EPB41L4A: variants seen among roughly 807,000 people sequenced by gnomAD.
EPB41L4A encodes erythrocyte membrane protein band 4.1 like 4A, also known as band 4.1-like protein 4A.
In EPB41L4A, 100 loss-of-function variants were observed where a neutral mutation model predicts 108.6. The ratio of observed to expected loss-of-function variants is 0.92; its 90% CI spans 0.78 to 1.09. EPB41L4A has a LOEUF of 1.09. Ranked by LOEUF, EPB41L4A falls within the 50% of genes least tolerant of loss-of-function variation. The pLI is 0.00. For missense variants in EPB41L4A, 1,030 were observed against 842.7 expected, an observed-to-expected ratio of 1.22 and a Z score of -2.75; for synonymous variants, 319 against 289.0, an observed-to-expected ratio of 1.10 and a Z score of -1.05.
chr5:112,395,785 CTT>C (rs1002291321), intron 1 of EPB41L4A, among the ~76,000 whole-genome samples: 4 of 152,160 alleles, frequency 2.6e-5, no homozygotes, highest in African/African-American at 9.7e-5. Context: ...ACTATGAAGA[CTT>C]ATGCACACTT....
intron 17 of EPB41L4A, among the ~76,000 whole-genome samples, chr5:112,191,566 T>C (rs755740115): frequency 6.6e-5 from 10 of 152,022 alleles, no homozygotes; most frequent in Non-Finnish European, 1.3e-4. Flanking sequence ...TGGTTATCCA[T>C]GGAAACAGTA....
At chr5:112,239,594 T>G (rs1488010651) in intron 11 of EPB41L4A, 66 bp downstream of exon 11, 5 of 988,768 alleles carry the variant, frequency 5.1e-6, no homozygotes, top group African/African-American at 1.7e-5. Flanking sequence ...TCACTGAGCA[T>G]GTATGACAGC....
rs959955034 is a variant in EPB41L4A at position 112,164,661 on chromosome 5, G to T, written c.*329C>A. On this transcript the variant is annotated 3_prime_UTR_variant, in exon 23 of 23. Transcript: ENST00000261486. ...CCAGCCTCCAACATGGCAAAGCCCTGTCTCTACTAAAAATACAAAAAGAAT... is the reference window on the plus strand; with the variant it reads ...CCAGCCTCCAACATGGCAAAGCCCTTTCTCTACTAAAAATACAAAAAGAAT... 1.2e-5 allele frequency: 2 copies of T among 164,116 alleles called. No homozygotes were observed. Among genetic ancestry groups the T allele is most frequent in the African/African-American group, 4.8e-5 (2 of 41,628 alleles). 10.2% of individuals were successfully genotyped at this position (164,116 alleles called of 1,614,324 possible). A position where few individuals can be genotyped will look rare whatever the true frequency, so the allele number is the denominator to read the frequency against.
At chr5:112,150,831 T>C (rs1341964734) in intron 12 of EPB41L4A, among the ~76,000 whole-genome samples, 1 of 152,182 alleles carries the variant, frequency 6.6e-6, no homozygotes, top group Non-Finnish European at 1.5e-5. Context: ...TAATTTAAAA[T>C]CATGTACCCA....
chr5:112,319,957 A>G (rs539978015), intron 1 of EPB41L4A, among the ~76,000 whole-genome samples: 34 of 152,296 alleles, frequency 2.2e-4, no homozygotes, highest in African/African-American at 7.0e-4. Flanking sequence ...TCAATAAGAG[A>G]AAAAAATCAT....
At chr5:112,171,685 G>A (rs1420794804) in intron 18 of EPB41L4A, among the ~76,000 whole-genome samples, 1 of 152,212 alleles carries the variant, frequency 6.6e-6, no homozygotes, top group Non-Finnish European at 1.5e-5. Context: ...CAGCATTCAA[G>A]TGTTTGTACT....
At chr5:112,227,206 T>A (rs1267693749) in intron 12 of EPB41L4A, among the ~76,000 whole-genome samples, 1 of 152,068 alleles carries the variant, frequency 6.6e-6, no homozygotes, top group Non-Finnish European at 1.5e-5. Flanking sequence ...AGTGAGAGTG[T>A]CCAATTTCCT....
chr5:112,258,837 T>G (rs1472768854), intron 9 of EPB41L4A, among the ~76,000 whole-genome samples: 1 of 152,196 alleles, frequency 6.6e-6, no homozygotes, highest in Non-Finnish European at 1.5e-5. Context: ...CCCAAAAGGT[T>G]GTTTAATTTA....
intron 15 of EPB41L4A, 54 bp downstream of exon 15, chr5:112,204,321 G>A (rs1762360558): frequency 1.6e-6 from 2 of 1,224,042 alleles, no homozygotes; most frequent in African/African-American, 3.0e-5. Flanking sequence ...AGTCAGGCCT[G>A]GGACAAAATG....
At chr5:112,378,275 T>C (rs900400624) in intron 1 of EPB41L4A, among the ~76,000 whole-genome samples, 4 of 151,388 alleles carry the variant, frequency 2.6e-5, no homozygotes, top group African/African-American at 9.7e-5. Context: ...CTCATGATTG[T>C]AGGAATTGGT....
At chr5:112,296,214 T>G (rs1309112025) in intron 2 of EPB41L4A, among the ~76,000 whole-genome samples, 1 of 152,108 alleles carries the variant, frequency 6.6e-6, no homozygotes, top group Non-Finnish European at 1.5e-5. Flanking sequence ...CAAACTTATG[T>G]TAAAATTAAT....
intron 12 of EPB41L4A, among the ~76,000 whole-genome samples, chr5:112,210,447 TC>T (rs1288283988): frequency 1.3e-5 from 2 of 151,846 alleles, no homozygotes; most frequent in East Asian, 3.9e-4. Flanking sequence ...AATGCAGCTG[TC>T]AAAAAAAGAG....
rs1754753683 is a variant in EPB41L4A, at chr5:112,307,326, A to G, written c.204+60T>C. ...AACCACCTAAAACCATATCAGGAAA[A>G]GCCAGAGATAGAGTGAAATTTATAA... is the stretch of plus-strand genomic sequence containing the variant. On this transcript the variant is annotated intron_variant, in intron 2 of 22. Coordinates refer to ENST00000261486, the MANE Select transcript of EPB41L4A (RefSeq NM_022140.5). The G allele has an allele frequency of 4.5e-6, 5 of 1,101,822 alleles. No individual in the cohort carries two copies. The African/African-American group carries it at 6.2e-5, about 14-fold the overall frequency. The allele number at this position is 1,101,822 out of a possible 1,614,324, so 68.3% of individuals were successfully genotyped here.
chr5:112,210,179 A>C, intron 12 of EPB41L4A, 197 bp from the exon 13 acceptor site: 1 of 431,530 alleles, frequency 2.3e-6, no homozygotes, highest in Non-Finnish European at 4.1e-6. Flanking sequence ...AACCCTCAAC[A>C]TAACAATGTC....
At chr5:112,258,552 T>C (rs574111930) in intron 9 of EPB41L4A, among the ~76,000 whole-genome samples, 3 of 152,330 alleles carry the variant, frequency 2.0e-5, no homozygotes, top group African/African-American at 7.2e-5. Flanking sequence ...TTTACACTAG[T>C]AGCACTTCAA....
At chr5:112,361,214 C>A (rs485823) in intron 1 of EPB41L4A, among the ~76,000 whole-genome samples, 100,083 of 150,924 alleles carry the variant, frequency 0.66, 33,279 homozygotes, top group South Asian at 0.82. Context: ...AATCTATGAC[C>A]TTTCCCCCAA....
At chr5:112,214,825 T>C (rs1404211491) in intron 12 of EPB41L4A, among the ~76,000 whole-genome samples, 2 of 152,072 alleles carry the variant, frequency 1.3e-5, no homozygotes, top group African/African-American at 2.4e-5. Context: ...TTCACAATCA[T>C]CTCATTTGGG....
At chr5:112,376,437 G>A (rs111761069) in intron 1 of EPB41L4A, among the ~76,000 whole-genome samples, 2,523 of 152,296 alleles carry the variant, frequency 0.017, 31 homozygotes, top group South Asian at 0.038. Context: ...TGGTGGGACC[G>A]TAAAATGGTA....
chr5:112,350,908 T>A (rs1469474149), intron 1 of EPB41L4A, among the ~76,000 whole-genome samples: 1 of 152,242 alleles, frequency 6.6e-6, no homozygotes, highest in African/African-American at 2.4e-5. Flanking sequence ...ATCTTTGCTA[T>A]TGTGACTAAT....
Sources: gnomAD v4.1 joint callset for allele counts (sites outside exome capture counted in the v4.1 genomes callset) on GRCh38, gnomAD v4.1.1 for gene constraint, MANE v1.5 for transcripts, NCBI Gene and HGNC (gene_info 2026-07-23, HGNC 2026-07-21) for gene names.